The following IGF1 variants were observed in gnomAD, a reference collection of about 807,000 sequenced individuals.
IGF1 encodes insulin like growth factor 1.
IGF1 carries 4 observed loss-of-function variants against 13.8 expected under a neutral mutation model. The ratio of observed to expected loss-of-function variants is 0.29; its 90% CI spans 0.14 to 0.66. The LOEUF is 0.66. Among genes scored for constraint, IGF1 ranks in the 30% least tolerant of loss-of-function variants. The pLI is 0.78. For synonymous variants in IGF1, 76 were observed against 72.6 expected (o/e 1.05, Z -0.23); for missense variants, 124 against 188.5 (o/e 0.66, Z 2.00).
At chr12:102,458,140 G>A (rs1334973064) in intron 2 of IGF1, among the ~76,000 whole-genome samples, 1 of 152,186 alleles carries the variant, frequency 6.6e-6, no homozygotes, top group Non-Finnish European at 1.5e-5. Flanking sequence ...AGGGCAAACA[G>A]GAATGCGAGC....
intron 2 of IGF1, among the ~76,000 whole-genome samples, chr12:102,432,437 G>A (rs1382477836): frequency 6.6e-6 from 1 of 152,072 alleles, no homozygotes; most frequent in Non-Finnish European, 1.5e-5. Flanking sequence ...TGAGTCAAAG[G>A]GTATTATCAG....
At chr12:102,474,163 T>A (rs1379611633) in intron 2 of IGF1, among the ~76,000 whole-genome samples, 1 of 152,246 alleles carries the variant, frequency 6.6e-6, no homozygotes, top group East Asian at 1.9e-4. Context: ...TTGGATCATG[T>A]GATGTCCCAC....
intron 2 of IGF1, among the ~76,000 whole-genome samples, chr12:102,463,829 G>A (rs1379170714): frequency 1.3e-5 from 2 of 152,212 alleles, no homozygotes; most frequent in Non-Finnish European, 2.9e-5. Flanking sequence ...CTGAAATGTA[G>A]CCTTGGCTTT....
intron 3 of IGF1, chr12:102,418,090 A>G: frequency 1.4e-6 from 2 of 1,398,124 alleles, no homozygotes; most frequent in South Asian, 1.3e-5. Flanking sequence ...CAGGCTCCAT[A>G]TGATGCAGGA....
chr12:102,460,516 G>A (rs770064861), intron 2 of IGF1, among the ~76,000 whole-genome samples: 5 of 152,176 alleles, frequency 3.3e-5, no homozygotes, highest in Non-Finnish European at 7.4e-5. Flanking sequence ...CACAGAGCAG[G>A]TGCCCAGCTG....
intron 3 of IGF1, among the ~76,000 whole-genome samples, chr12:102,406,378 T>G (rs1874156458): frequency 6.6e-6 from 1 of 152,232 alleles, no homozygotes; most frequent in East Asian, 1.9e-4. Flanking sequence ...GTTATGAAAC[T>G]GTCTCACATT....
At chr12:102,417,110 T>C (rs1875209541) in intron 3 of IGF1, among the ~76,000 whole-genome samples, 1 of 152,236 alleles carries the variant, frequency 6.6e-6, no homozygotes, top group Non-Finnish European at 1.5e-5. Flanking sequence ...CCCAGAACTA[T>C]GAAAAAATCA....
At chr12:102,446,636 A>G (rs1182376251) in intron 2 of IGF1, among the ~76,000 whole-genome samples, 3 of 151,984 alleles carry the variant, frequency 2.0e-5, no homozygotes, top group Non-Finnish European at 2.9e-5. Context: ...TAGTCTTGCT[A>G]GCGGTCTATC....
rs1281354336 is a variant in IGF1 at position 102,397,465 on chromosome 12, T to C, written c.*5042A>G. 2 of 152,228 alleles carry C rather than the reference T, an allele frequency of 1.3e-5. No homozygotes were observed. The highest frequency in any genetic ancestry group is 2.4e-5 in the African/African-American group (1 of 41,472). 9.4% of individuals were successfully genotyped at this position (152,228 alleles called of 1,614,324 possible). On this transcript the variant is annotated 3_prime_UTR_variant, in exon 4 of 4. Transcript: ENST00000337514. ...GTTATTTAAATTGATATCTTTATCC[T>C]GTACCATATGCACTTAAAGCTTCTG...
intron 2 of IGF1, among the ~76,000 whole-genome samples, chr12:102,474,873 G>A (rs1337911066): frequency 6.6e-6 from 1 of 152,128 alleles, no homozygotes; most frequent in African/African-American, 2.4e-5. Context: ...CCTTGACTTG[G>A]CTGTCTACTT....
chr12:102,453,828 G>A (rs1879159711), intron 2 of IGF1, among the ~76,000 whole-genome samples: 1 of 152,206 alleles, frequency 6.6e-6, no homozygotes, highest in African/African-American at 2.4e-5. Flanking sequence ...GTTGCACTTA[G>A]AATCTATGTG....
intron 2 of IGF1, among the ~76,000 whole-genome samples, chr12:102,429,515 G>T (rs1876550162): frequency 6.6e-6 from 1 of 151,902 alleles, no homozygotes. Flanking sequence ...CTATGAATAA[G>T]GAAAAAGAAA....
chr12:102,476,634 G>A (rs2137280680), intron 1 of IGF1, among the ~76,000 whole-genome samples: 1 of 152,224 alleles, frequency 6.6e-6, no homozygotes, highest in East Asian at 1.9e-4. Flanking sequence ...CTGTGTATAG[G>A]GCACTGGGCT....
chr12:102,458,414 ATGTTC>A (rs1879608724), intron 2 of IGF1, among the ~76,000 whole-genome samples: 1 of 152,140 alleles, frequency 6.6e-6, no homozygotes, highest in Non-Finnish European at 1.5e-5. Context: ...AAAAAGGATC[ATGTTC>A]TGTTTACCTA....
chr12:102,415,548 T>TTCCTTCCTTCCTTCCTTCCTTCCG lies in IGF1; in HGVS notation c.402+3960_402+3961insCGGAAGGAAGGAAGGAAGGAAGGA, dbSNP rs1565966723. 1.4e-3 allele frequency among the ~76,000 whole-genome samples: 143 copies of TTCCTTCCTTCCTTCCTTCCTTCCG among 102,024 alleles called. 2 individuals are homozygous for TTCCTTCCTTCCTTCCTTCCTTCCG. The highest frequency in any genetic ancestry group is 5.1e-3 in the African/African-American group (128 of 25,266). 66.9% of individuals were successfully genotyped at this position (102,024 alleles called of 152,430 possible). On this transcript the variant is annotated intron_variant, in intron 3 of 3. Transcript: ENST00000337514. ...TCTTTTTGTTCTTCCTTCCCTTTCC[T>TTCCTTCCTTCCTTCCTTCCTTCCG]TCCTTCCTTCCTTCCTTCCTTCCTT...
chr12:102,418,104 A>G (rs1418375766), intron 3 of IGF1: 18 of 1,254,968 alleles, frequency 1.4e-5, no homozygotes, highest in Middle Eastern at 2.1e-4. Context: ...TGCAGGAGAC[A>G]GCACTCATGC....
At chr12:102,417,689 A>G in intron 3 of IGF1, 1 of 1,496,472 alleles carries the variant, frequency 6.7e-7, no homozygotes. Flanking sequence ...TTCTATTTCC[A>G]TCACATCATC....
rs868653950 is a variant in IGF1 at position 102,401,631 on chromosome 12, A to G, written c.*876T>C. The G allele has an allele frequency of 3.9e-5, 6 of 152,666 alleles. No individual in the cohort carries two copies. The highest frequency in any genetic ancestry group is 1.4e-4 in the African/African-American group (6 of 41,462). 9.5% of individuals were successfully genotyped at this position (152,666 alleles called of 1,614,324 possible). A position where few individuals can be genotyped will look rare whatever the true frequency, so the allele number is the denominator to read the frequency against. Reference sequence around the variant, plus strand: ...ATTATACTAAAAAACAGAGTTTTACATACTGTTTGATATATCCTGTATAAT... The same window carrying G: ...ATTATACTAAAAAACAGAGTTTTACGTACTGTTTGATATATCCTGTATAAT... On this transcript the variant is annotated 3_prime_UTR_variant, in exon 4 of 4. Transcript: ENST00000337514.
chr12:102,453,249 G>A (rs1879116684), intron 2 of IGF1, among the ~76,000 whole-genome samples: 1 of 152,206 alleles, frequency 6.6e-6, no homozygotes, highest in African/African-American at 2.4e-5. Context: ...CTTTTCCAAA[G>A]TGTTTTTTAT....
Sources: allele counts gnomAD v4.1 joint callset (sites outside exome capture counted in the v4.1 genomes callset), GRCh38; gene constraint gnomAD v4.1.1; transcripts MANE v1.5; gene names NCBI Gene and HGNC (gene_info 2026-07-23, HGNC 2026-07-21).